Variants in KCNQ3 observed in about 807,000 individuals in gnomAD.
KCNQ3 encodes the protein potassium voltage-gated channel subfamily KQT member 3.
A neutral mutation model predicts 92.5 loss-of-function variants in KCNQ3; 30 were observed. That is an observed-to-expected ratio of 0.32 (90% CI 0.24 to 0.44). The LOEUF (loss-of-function observed/expected upper bound fraction) is 0.44. KCNQ3 is among the 20% of genes least tolerant of loss of function. The pLI, the probability that KCNQ3 is intolerant of heterozygous loss-of-function variation, is 1.00. For missense variants in KCNQ3, 913 were observed against 1,140.3 expected (o/e 0.80, Z 2.87); for synonymous variants, 450 against 468.8 (o/e 0.96, Z 0.52).
intron 1 of KCNQ3, among the ~76,000 whole-genome samples, chr8:132,394,180 C>A (rs1364762172): frequency 6.6e-6 from 1 of 152,204 alleles, no homozygotes; most frequent in Non-Finnish European, 1.5e-5. Context: ...ATGTGCCAAG[C>A]ACTATGCAAC....
rs140848357 is a variant in KCNQ3, at chr8:132,338,050, C to A, written c.386+142097G>T. 1.9e-3 allele frequency among the ~76,000 whole-genome samples: 291 copies of A among 152,222 alleles called. 1 individual carries two copies. The highest frequency in any genetic ancestry group is 6.8e-3 in the Middle Eastern group (2 of 294). The stretch of plus-strand genomic sequence containing the variant: ...AACTTATGGGCAAATCTCAGATGGT[C>A]GAAGGTTTGGAGAAACAAATGGCTT... On this transcript the variant is annotated intron_variant, in intron 1 of 14. Coordinates refer to ENST00000388996, the MANE Select transcript of KCNQ3 (RefSeq NM_004519.4).
intron 9 of KCNQ3, among the ~76,000 whole-genome samples, chr8:132,155,257 A>T (rs1825768232): frequency 6.6e-6 from 1 of 152,216 alleles, no homozygotes; most frequent in African/African-American, 2.4e-5. Context: ...GACAAAAAGC[A>T]GAGCTCTTAA....
At chr8:132,166,119 C>G (rs1012466121) in intron 8 of KCNQ3, among the ~76,000 whole-genome samples, 1 of 152,178 alleles carries the variant, frequency 6.6e-6, no homozygotes, top group African/African-American at 2.4e-5. Context: ...GTTCTCATAG[C>G]TAACAATTCC....
intron 1 of KCNQ3, among the ~76,000 whole-genome samples, chr8:132,286,780 A>C (rs1816690453): frequency 6.6e-6 from 1 of 152,200 alleles, no homozygotes; most frequent in Non-Finnish European, 1.5e-5. Flanking sequence ...TTCTTTTAAG[A>C]GATGGTTAGG....
chr8:132,305,772 T>C (rs1817400198), intron 1 of KCNQ3, among the ~76,000 whole-genome samples: 1 of 152,142 alleles, frequency 6.6e-6, no homozygotes, highest in African/African-American at 2.4e-5. Context: ...GTAATAGAGT[T>C]TGAAATTGCT....
At chr8:132,356,221 C>T (rs1424943046) in intron 1 of KCNQ3, among the ~76,000 whole-genome samples, 1 of 152,160 alleles carries the variant, frequency 6.6e-6, no homozygotes, top group African/African-American at 2.4e-5. Flanking sequence ...TCGCAGGCTG[C>T]TCACCTTCAG....
chr8:132,431,636 G>T (rs998195858), intron 1 of KCNQ3, among the ~76,000 whole-genome samples: 1 of 152,220 alleles, frequency 6.6e-6, no homozygotes, highest in African/African-American at 2.4e-5. Context: ...TGTGGTTGGT[G>T]TGGTCCTTAC....
chr8:132,416,642 T>C (rs1820816390), intron 1 of KCNQ3, among the ~76,000 whole-genome samples: 1 of 151,830 alleles, frequency 6.6e-6, no homozygotes, highest in South Asian at 2.1e-4. Flanking sequence ...ACAAAAAAAA[T>C]TCATACATTT....
chr8:132,480,301 G>A lies in KCNQ3; in HGVS notation c.232C>T (p.Gln78Ter). The A allele has an allele frequency of 6.2e-7, 1 of 1,604,174 alleles. No homozygotes were observed. Among genetic ancestry groups the A allele is most frequent in the Non-Finnish European group, 8.5e-7 (1 of 1,175,682 alleles). Residue 78 changes from glutamine to a stop codon, truncating the protein, a stop_gained, in exon 1 of 15, where the codon CAG becomes TAG. Coordinates refer to ENST00000388996, the MANE Select transcript of KCNQ3 (RefSeq NM_004519.4). LOFTEE classifies it high-confidence loss of function. ...CCGATGCCCTGCGGGGTCCTCCGCT[G>A]CCCCTCGTCGCGGCCGCCGCCCTCC... ...LLEGGGRDEG[Q>*]RRTPQGIGLL...
intron 1 of KCNQ3, among the ~76,000 whole-genome samples, chr8:132,264,899 G>T (rs1218995007): frequency 6.6e-6 from 1 of 152,210 alleles, no homozygotes; most frequent in Non-Finnish European, 1.5e-5. Context: ...AGCTCTAGCT[G>T]TAAAATTCTT....
At chr8:132,153,845 C>T (rs1825711410) in intron 9 of KCNQ3, among the ~76,000 whole-genome samples, 1 of 152,038 alleles carries the variant, frequency 6.6e-6, no homozygotes. Flanking sequence ...AGGAATGCCT[C>T]ATTTTCCCTC....
chr8:132,162,624 C>T (rs190836774), intron 9 of KCNQ3, among the ~76,000 whole-genome samples: 195 of 152,274 alleles, frequency 1.3e-3, no homozygotes, highest in Non-Finnish European at 2.3e-3. Context: ...TAAGTGGGTC[C>T]AGGAAAGAAC....
chr8:132,194,597 A>G (rs1032349387), intron 1 of KCNQ3, among the ~76,000 whole-genome samples: 26 of 152,212 alleles, frequency 1.7e-4, no homozygotes, highest in African/African-American at 5.5e-4. Flanking sequence ...AAATGCCATT[A>G]TTGATTCGTG....
At chr8:132,281,130 C>T (rs1816499403) in intron 1 of KCNQ3, among the ~76,000 whole-genome samples, 1 of 152,000 alleles carries the variant, frequency 6.6e-6, no homozygotes. Context: ...CCACATCAGC[C>T]CTGTGGATAA....
At position 132,124,518 on chromosome 8, in the gene KCNQ3, C is replaced by CTT. The variant is rs1824601577; in HGVS notation, c.*4742_*4743dup. The CTT allele has an allele frequency of 7.5e-6, 1 of 132,952 alleles. No individual in the cohort carries two copies. Among genetic ancestry groups the CTT allele is most frequent in the Non-Finnish European group, 1.7e-5 (1 of 57,874 alleles). 8.2% of individuals were successfully genotyped at this position (132,952 alleles called of 1,614,324 possible). ...TCCAGGTCATCTCTGTATGATTCCT[C>CTT]TTTTACACTGCCATTACTGGCTTCT... On this transcript the variant is annotated 3_prime_UTR_variant, in exon 15 of 15. Coordinates refer to ENST00000388996, the MANE Select transcript of KCNQ3 (RefSeq NM_004519.4).
Position 132,293,156 on chromosome 8 carries a change from T to C in KCNQ3, c.387-106975A>G, listed in dbSNP as rs140409845. Among the ~76,000 whole-genome samples, 447 of 152,338 alleles carry C rather than the reference T, an allele frequency of 2.9e-3. 3 individuals are homozygous for C. The highest frequency in any genetic ancestry group is 0.01 in the African/African-American group (434 of 41,574). On this transcript the variant is annotated intron_variant, in intron 1 of 14. Coordinates refer to ENST00000388996, the MANE Select transcript of KCNQ3 (RefSeq NM_004519.4). ...AGACCTCACCTTACCCATCTCTTCA[T>C]CTATATCCTTTGTAATATCCATATA...
intron 1 of KCNQ3, among the ~76,000 whole-genome samples, chr8:132,331,789 C>T (rs1434830371): frequency 3.3e-5 from 5 of 152,160 alleles, no homozygotes; most frequent in African/African-American, 1.2e-4. Flanking sequence ...AAGAGATTTC[C>T]TTGATGGGCT....
At chr8:132,158,372 G>A (rs746464446) in intron 9 of KCNQ3, among the ~76,000 whole-genome samples, 91 of 152,170 alleles carry the variant, frequency 6.0e-4, no homozygotes, top group Non-Finnish European at 1.2e-3. Context: ...TGATGTCACA[G>A]GGAGAAGGCA....
chr8:132,175,552 A>G lies in KCNQ3; in HGVS notation c.834T>C (p.Leu278=), dbSNP rs769657433. ...GFLTLILSSF[L]VYLVEKDVPE... is the part of the protein sequence containing the mutation. Reference sequence around the variant, plus strand: ...GGACGTCTTTCTCAACCAGGTAGACAAGAAATGAAGAAAGGATGAGTGTCA... The same window carrying G: ...GGACGTCTTTCTCAACCAGGTAGACGAGAAATGAAGAAAGGATGAGTGTCA... The change falls in exon 5 of 15, where the codon CTT becomes CTC. Residue 278 remains leucine (L), a synonymous_variant. Transcript: ENST00000388996. 302 of 1,614,068 alleles carry G rather than the reference A, an allele frequency of 1.9e-4. No individual in the cohort carries two copies. The highest frequency in any genetic ancestry group is 1.3e-3 in the Middle Eastern group (8 of 6,084).
Sources: allele counts gnomAD v4.1 joint callset (sites outside exome capture counted in the v4.1 genomes callset), GRCh38; gene constraint gnomAD v4.1.1; transcripts MANE v1.5; gene names NCBI Gene and HGNC (gene_info 2026-07-23, HGNC 2026-07-21).